Variants in DNAJB6 observed in about 807,000 individuals in gnomAD.
The protein encoded by DNAJB6 is dnaJ homolog subfamily B member 6.
DNAJB6 carries 16 observed loss-of-function variants against 42.7 expected under a neutral mutation model. That is an observed-to-expected ratio of 0.37 (90% CI 0.25 to 0.57). The LOEUF (loss-of-function observed/expected upper bound fraction) is 0.57, where lower values mean the gene tolerates loss of function less well. Ranked by LOEUF, DNAJB6 falls within the 20% of genes least tolerant of loss-of-function variation. DNAJB6 has a pLI of 0.74. For synonymous variants in DNAJB6, 170 were observed against 163.5 expected (o/e 1.04, Z -0.30); for missense variants, 347 against 416.8 (o/e 0.83, Z 1.46).
At chr7:157,387,198 A>G (rs1234356011) in intron 8 of DNAJB6, among the ~76,000 whole-genome samples, 2 of 152,068 alleles carry the variant, frequency 1.3e-5, no homozygotes, top group Non-Finnish European at 2.9e-5. Flanking sequence ...TATTTTAAGG[A>G]ATTTCATAGG....
chr7:157,350,698 A>ATT (rs11383046), intron 1 of DNAJB6, among the ~76,000 whole-genome samples: 27 of 147,678 alleles, frequency 1.8e-4, no homozygotes, highest in Non-Finnish European at 2.7e-4. Flanking sequence ...TTTTTTTTTT[A>ATT]TTTTTTTTTG....
chr7:157,391,441 C>T (rs546242328), intron 8 of DNAJB6, among the ~76,000 whole-genome samples: 1 of 151,884 alleles, frequency 6.6e-6, no homozygotes, highest in Non-Finnish European at 1.5e-5. Context: ...GTCCATGGGT[C>T]AGTGGTCCCT....
At chr7:157,403,614 G>C (rs1415293201) in intron 8 of DNAJB6, among the ~76,000 whole-genome samples, 2 of 152,118 alleles carry the variant, frequency 1.3e-5, no homozygotes. Flanking sequence ...TGGGACCACA[G>C]GTGTGCACCC....
intron 5 of DNAJB6, 87 bp from the exon 6 acceptor site, chr7:157,382,159 A>G (rs1800813842): frequency 7.0e-7 from 1 of 1,430,536 alleles, no homozygotes; most frequent in Non-Finnish European, 9.3e-7. Flanking sequence ...TATGTTACAA[A>G]CATCTATTTT....
chr7:157,378,038 G>A (rs959178376), intron 5 of DNAJB6: 1 of 152,194 alleles, frequency 6.6e-6, no homozygotes, highest in African/African-American at 2.4e-5. Flanking sequence ...GGATAAGAGA[G>A]GGAAGAAAAC....
chr7:157,415,387 A>C (rs546015347), intron 9 of DNAJB6: 2 of 152,372 alleles, frequency 1.3e-5, no homozygotes, highest in African/African-American at 4.8e-5. Flanking sequence ...ACTTTCCTCA[A>C]TAAGAAATGG....
Position 157,382,332 on chromosome 7 carries a change from A to G in DNAJB6, c.433A>G (p.Ser145Gly), listed in dbSNP as rs1003658028. 6.2e-7 allele frequency: 1 copy of G among 1,611,660 alleles called. No individual in the cohort carries two copies. The highest frequency in any genetic ancestry group is 8.5e-7 in the Non-Finnish European group (1 of 1,179,782). Residue 145 changes from serine (S) to glycine (G), a missense_variant, in exon 6 of 10, where the codon AGT becomes GGT. By Grantham distance (56) the Ser-to-Gly change is moderately conservative. Around this residue, in one of 3 missense-constraint regions of DNAJB6, gnomAD observed 264 missense variants for 288.0 expected, o/e 0.92. Transcript: ENST00000262177. The part of the protein sequence containing the change: ...RGTGSFFSAF[S>G]GFPSFGSGFS... ...GACGGGGTCGTTTTTCTCTGCGTTC[A>G]GTGGATTTCCGTCTTTTGGAAGTGG...
chr7:157,372,885 G>C (rs929847147), intron 5 of DNAJB6, among the ~76,000 whole-genome samples: 1 of 152,114 alleles, frequency 6.6e-6, no homozygotes. Context: ...ATTTGCAGAC[G>C]GATGGCCCAT....
At chr7:157,381,241 G>C (rs566570485) in intron 5 of DNAJB6, 1 of 152,184 alleles carries the variant, frequency 6.6e-6, no homozygotes, top group Admixed American at 6.5e-5. Flanking sequence ...TCCCTGCTTT[G>C]GTTGCTCTGG....
intron 8 of DNAJB6, among the ~76,000 whole-genome samples, chr7:157,391,168 C>G (rs929958189): frequency 5.3e-5 from 8 of 152,180 alleles, no homozygotes; most frequent in Non-Finnish European, 1.2e-4. Flanking sequence ...CAGGACATTG[C>G]TGGTAGGAAC....
intron 8 of DNAJB6, among the ~76,000 whole-genome samples, chr7:157,398,671 G>C (rs937666056): frequency 9.8e-5 from 15 of 152,286 alleles, no homozygotes; most frequent in African/African-American, 3.4e-4. Flanking sequence ...TTATTTAACT[G>C]TGGTTACAAA....
At chr7:157,345,074 A>T (rs1321889415) in intron 1 of DNAJB6, among the ~76,000 whole-genome samples, 1 of 151,364 alleles carries the variant, frequency 6.6e-6, no homozygotes, top group South Asian at 2.1e-4. Flanking sequence ...GCTCACTGCA[A>T]CCTCTGCCTT....
chr7:157,371,844 G>A (rs755989199), intron 5 of DNAJB6, among the ~76,000 whole-genome samples: 29 of 152,296 alleles, frequency 1.9e-4, no homozygotes, highest in African/African-American at 3.1e-4. Context: ...GTCACAGCAG[G>A]CATTACATCT....
chr7:157,353,586 GGTGTGT>G (rs370854040), intron 1 of DNAJB6, among the ~76,000 whole-genome samples: 1,621 of 140,100 alleles, frequency 0.012, 18 homozygotes, highest in Middle Eastern at 0.026. Context: ...TCTTGACCGG[GGTGTGT>G]GTGTGTGTGT....
At chr7:157,392,137 CTTA>C (rs983971834) in intron 8 of DNAJB6, among the ~76,000 whole-genome samples, 1 of 147,750 alleles carries the variant, frequency 6.8e-6, no homozygotes, top group African/African-American at 2.5e-5. Flanking sequence ...TAAATGATTT[CTTA>C]GAAGGAGTCT....
rs1407422617 is a variant in DNAJB6, at chr7:157,366,503, T to C, written c.177T>C (p.Ala59=). The stretch of plus-strand genomic sequence containing the variant: ...ACCGACTTTTCTTTCAATTTTTAGC[T>C]AAGAAACGGGACATCTATGACAAAT... ...VAEAYEVLSD[A]KKRDIYDKYG... Residue 59 remains alanine (A), a splice_region_variant and synonymous_variant, in exon 4 of 10, where the codon GCT becomes GCC. Transcript: ENST00000262177. 6 of 1,613,994 alleles carry C rather than the reference T, an allele frequency of 3.7e-6. No individual in the cohort carries two copies. The highest frequency in any genetic ancestry group is 5.1e-6 in the Non-Finnish European group (6 of 1,179,964).
chr7:157,382,444 T>A, intron 6 of DNAJB6, 67 bp downstream of exon 6: 1 of 1,504,382 alleles, frequency 6.6e-7, no homozygotes, highest in Non-Finnish European at 8.9e-7. Flanking sequence ...ATCATAATAC[T>A]CTTTTAGTTA....
intron 2 of DNAJB6, among the ~76,000 whole-genome samples, chr7:157,361,368 A>G (rs112734282): frequency 0.011 from 1,707 of 152,262 alleles, 14 homozygotes; most frequent in Non-Finnish European, 0.017. Flanking sequence ...CATGTTGGCC[A>G]GGATGGTCTC....
At chr7:157,341,833 T>A (rs1028259062) in intron 1 of DNAJB6, among the ~76,000 whole-genome samples, 1 of 152,150 alleles carries the variant, frequency 6.6e-6, no homozygotes, top group Non-Finnish European at 1.5e-5. Flanking sequence ...TTGGAAAAAA[T>A]AAGTTTCAGC....
Sources: gnomAD v4.1 joint callset for allele counts (sites outside exome capture counted in the v4.1 genomes callset) on GRCh38, gnomAD v4.1.1 for gene constraint, gnomAD v4.1.1 regional missense constraint, MANE v1.5 for transcripts, NCBI Gene and HGNC (gene_info 2026-07-23, HGNC 2026-07-21) for gene names.